Variants in EYS observed in about 807,000 individuals in gnomAD.
The protein encoded by EYS is EGF-like photoreceptor maintenance factor, also known as protein eyes shut homolog.
In EYS, 250 loss-of-function variants were observed where a neutral mutation model predicts 282.1. The observed-to-expected ratio is 0.89, with a 90% confidence interval of 0.80 to 0.98. The LOEUF is 0.98. Among genes scored for constraint, EYS ranks in the 50% least tolerant of loss-of-function variants. The pLI is 0.00. For missense variants in EYS, 4,016 were observed against 3,709.0 expected (o/e 1.08, Z -2.15); for synonymous variants, 1,355 against 1,282.9 (o/e 1.06, Z -1.20).
intron 12 of EYS, among the ~76,000 whole-genome samples, chr6:65,080,345 T>C (rs191156382): frequency 9.9e-5 from 15 of 152,142 alleles, no homozygotes; most frequent in Non-Finnish European, 1.6e-4. Context: ...TTCCTGGCCA[T>C]GTAGGAGTTT....
At chr6:64,885,319 G>A (rs1218931499) in intron 19 of EYS, among the ~76,000 whole-genome samples, 1 of 151,608 alleles carries the variant, frequency 6.6e-6, no homozygotes, top group Non-Finnish European at 1.5e-5. Flanking sequence ...ATTTTGAAAT[G>A]AAATTAAAGA....
At chr6:63,760,300 T>A (rs1250752815) in intron 41 of EYS, among the ~76,000 whole-genome samples, 7 of 152,004 alleles carry the variant, frequency 4.6e-5, no homozygotes, top group Non-Finnish European at 1.5e-5. Flanking sequence ...ATATGTATAG[T>A]TGTAAATCAT....
intron 22 of EYS, among the ~76,000 whole-genome samples, chr6:64,730,040 A>G (rs1352549278): frequency 6.6e-6 from 1 of 152,222 alleles, no homozygotes; most frequent in Admixed American, 6.5e-5. Context: ...GGAAGGAAAA[A>G]CTAAGAGTGA....
intron 2 of EYS, among the ~76,000 whole-genome samples, chr6:65,530,491 C>A (rs1767724401): frequency 6.6e-6 from 1 of 152,126 alleles, no homozygotes; most frequent in African/African-American, 2.4e-5. Context: ...TCTAAAATAT[C>A]TATCTAGACT....
intron 22 of EYS, among the ~76,000 whole-genome samples, chr6:64,780,187 A>G (rs1773816413): frequency 6.6e-6 from 1 of 152,226 alleles, no homozygotes; most frequent in Admixed American, 6.5e-5. Context: ...CAGATTTTAA[A>G]TCAAAGGATT....
chr6:65,582,509 A>G (rs1347432854), intron 2 of EYS, among the ~76,000 whole-genome samples: 1 of 152,166 alleles, frequency 6.6e-6, no homozygotes, highest in Non-Finnish European at 1.5e-5. Context: ...AACTGTATTC[A>G]TTTCTGCATG....
intron 12 of EYS, among the ~76,000 whole-genome samples, chr6:65,136,077 A>G (rs996738755): frequency 6.6e-6 from 1 of 152,046 alleles, no homozygotes; most frequent in Admixed American, 6.6e-5. Flanking sequence ...TTAAATAATA[A>G]AGACAAATAA....
intron 12 of EYS, among the ~76,000 whole-genome samples, chr6:65,058,501 C>T (rs1433760003): frequency 1.4e-5 from 2 of 139,014 alleles, no homozygotes; most frequent in Non-Finnish European, 3.3e-5. Flanking sequence ...ACTAATAAAG[C>T]CATGAGTAAT....
intron 5 of EYS, among the ~76,000 whole-genome samples, chr6:65,443,484 CAT>C (rs974949951): frequency 6.6e-6 from 1 of 151,638 alleles, no homozygotes; most frequent in Non-Finnish European, 1.5e-5. Context: ...CATATATACA[CAT>C]ATGCGCATAT....
At chr6:64,809,293 T>G (rs980679106) in intron 22 of EYS, among the ~76,000 whole-genome samples, 1 of 152,006 alleles carries the variant, frequency 6.6e-6, no homozygotes, top group African/African-American at 2.4e-5. Flanking sequence ...AATCAAACTC[T>G]TGGAATAAAC....
intron 26 of EYS, among the ~76,000 whole-genome samples, chr6:64,490,382 A>C (rs193065668): frequency 3.0e-3 from 450 of 151,092 alleles, no homozygotes; most frequent in Middle Eastern, 0.02. Context: ...AAAAGATAGA[A>C]GGTAATGTCT....
intron 16 of EYS, among the ~76,000 whole-genome samples, chr6:64,906,032 T>G (rs1199552093): frequency 6.6e-6 from 1 of 151,460 alleles, no homozygotes; most frequent in Non-Finnish European, 1.5e-5. Flanking sequence ...TCTCTGGATT[T>G]AAAAGCTTGA....
rs1173438173 is a variant in EYS at position 65,680,125 on chromosome 6, G to A, written c.-448+27010C>T. On this transcript the variant is annotated intron_variant, in intron 1 of 42. Coordinates refer to ENST00000503581, the MANE Select transcript of EYS (RefSeq NM_001142800.2). ...ACACACACACACACACAAAGCAAAT[G>A]TTCTCAATCAATATAAGTTACATTG... 2.2e-5 allele frequency among the ~76,000 whole-genome samples: 3 copies of A among 137,708 alleles called. No individual in the cohort carries two copies. In the East Asian group the frequency reaches 6.2e-4, roughly 29 times the overall value. The allele number at this position is 137,708 out of a possible 152,430, so 90.3% of individuals were successfully genotyped here.
intron 36 of EYS, among the ~76,000 whole-genome samples, chr6:63,829,446 C>A (rs1771564612): frequency 6.6e-6 from 1 of 152,196 alleles, no homozygotes; most frequent in Non-Finnish European, 1.5e-5. Flanking sequence ...GTCCCACGCC[C>A]ACAGAGCCTT....
intron 26 of EYS, among the ~76,000 whole-genome samples, chr6:64,453,791 G>C (rs1341287806): frequency 6.6e-6 from 1 of 152,040 alleles, no homozygotes; most frequent in Admixed American, 6.6e-5. Flanking sequence ...CTCACTCGTA[G>C]GTGGGAATTG....
At chr6:65,407,951 G>A (rs557777518) in intron 5 of EYS, among the ~76,000 whole-genome samples, 1 of 152,162 alleles carries the variant, frequency 6.6e-6, no homozygotes, top group Non-Finnish European at 1.5e-5. Context: ...TTATCAGGCT[G>A]AGGGATTGTG....
At chr6:65,430,901 G>A in intron 5 of EYS, among the ~76,000 whole-genome samples, 2 of 152,294 alleles carry the variant, frequency 1.3e-5, no homozygotes, top group Admixed American at 1.3e-4. Context: ...TATGTGGAGG[G>A]CCTTGGGTGA....
intron 26 of EYS, among the ~76,000 whole-genome samples, chr6:64,556,901 T>A (rs1229375484): frequency 6.6e-6 from 1 of 151,840 alleles, no homozygotes; most frequent in Non-Finnish European, 1.5e-5. Context: ...AGAATAAAAA[T>A]ACATTTTTCA....
At chr6:64,151,867 A>C (rs963715591) in intron 31 of EYS, among the ~76,000 whole-genome samples, 4 of 152,076 alleles carry the variant, frequency 2.6e-5, no homozygotes, top group African/African-American at 4.8e-5. Context: ...CAAATAGAAG[A>C]TTTGTAATTT....
Sources: gnomAD v4.1 joint callset for allele counts (sites outside exome capture counted in the v4.1 genomes callset) on GRCh38, gnomAD v4.1.1 for gene constraint, MANE v1.5 for transcripts, NCBI Gene and HGNC (gene_info 2026-07-23, HGNC 2026-07-21) for gene names.